Variants in ITGA2 observed in about 807,000 individuals in gnomAD.
ITGA2 encodes the protein integrin alpha-2.
In ITGA2, 101 loss-of-function variants were observed where a neutral mutation model predicts 146.3. The ratio of observed to expected loss-of-function variants is 0.69; its 90% CI spans 0.59 to 0.81. ITGA2 has a LOEUF of 0.81. ITGA2 is among the 40% of genes least tolerant of loss of function. ITGA2 has a pLI of 0.00. For missense variants in ITGA2, 1,281 were observed against 1,402.7 expected, an observed-to-expected ratio of 0.91 and a Z score of 1.39; for synonymous variants, 477 against 487.1, an observed-to-expected ratio of 0.98 and a Z score of 0.27.
At position 53,093,981 on chromosome 5, in the gene ITGA2, T is replaced by TAAAG. The variant is rs59915734; in HGVS notation, c.*3385_*3386insGAAA. On this transcript the variant is annotated 3_prime_UTR_variant, in exon 30 of 30. Transcript: ENST00000296585. The stretch of plus-strand genomic sequence containing the variant: ...AGTTACCTATTAAAACTGTGAAGAG[T>TAAAG]AAAACTAAAGCCAATTTATTATAGT... The TAAAG allele has an allele frequency of 0.74, 113,127 of 152,058 alleles. 42,440 individuals carry two copies. Among genetic ancestry groups the TAAAG allele is most frequent in the African/African-American group, 0.79 (32,731 of 41,356 alleles). 9.4% of individuals were successfully genotyped at this position (152,058 alleles called of 1,614,324 possible). A position where few individuals can be genotyped will look rare whatever the true frequency, so the allele number is the denominator to read the frequency against.
chr5:53,041,427 A>G (rs1212331848), intron 2 of ITGA2, among the ~76,000 whole-genome samples: 4 of 152,202 alleles, frequency 2.6e-5, no homozygotes, highest in Admixed American at 2.0e-4. Context: ...GTATCCTCTC[A>G]TAAAGACAGT....
chr5:53,060,140 T>G, intron 11 of ITGA2, 128 bp downstream of exon 11: 1 of 968,946 alleles, frequency 1.0e-6, no homozygotes, highest in Non-Finnish European at 1.6e-6. Flanking sequence ...TTATTACACA[T>G]ACATATGTTG....
chr5:53,044,397 G>A (rs1412950373), intron 3 of ITGA2, among the ~76,000 whole-genome samples: 1 of 150,764 alleles, frequency 6.6e-6, no homozygotes, highest in East Asian at 2.0e-4. Flanking sequence ...GCTTGGCAGA[G>A]ATGAGAAACA....
At chr5:53,053,005 T>C (rs1255350704) in intron 7 of ITGA2, among the ~76,000 whole-genome samples, 2 of 152,146 alleles carry the variant, frequency 1.3e-5, no homozygotes, top group Non-Finnish European at 2.9e-5. Flanking sequence ...ATTCAATCTG[T>C]CCCACACTGG....
chr5:53,050,329 TTTC>T (rs1463398613), intron 6 of ITGA2, among the ~76,000 whole-genome samples: 1 of 152,178 alleles, frequency 6.6e-6, no homozygotes, highest in African/African-American at 2.4e-5. Flanking sequence ...TTAAATCTTT[TTTC>T]TTCTTTTTCA....
At chr5:53,018,464 G>A (rs1329717393) in intron 1 of ITGA2, among the ~76,000 whole-genome samples, 1 of 151,976 alleles carries the variant, frequency 6.6e-6, no homozygotes, top group Non-Finnish European at 1.5e-5. Context: ...CCTGGTGCTG[G>A]GCAGCCTCGT....
At chr5:53,088,065 C>T (rs1192491567) in intron 28 of ITGA2, among the ~76,000 whole-genome samples, 1 of 152,220 alleles carries the variant, frequency 6.6e-6, no homozygotes, top group Non-Finnish European at 1.5e-5. Context: ...TACACCCTCT[C>T]TTCAGACACT....
At chr5:53,036,756 C>T (rs902566723) in intron 2 of ITGA2, among the ~76,000 whole-genome samples, 34 of 151,910 alleles carry the variant, frequency 2.2e-4, no homozygotes, top group Non-Finnish European at 3.4e-4. Flanking sequence ...AGGCTAGAAA[C>T]TTTTTTACTG....
intron 24 of ITGA2, among the ~76,000 whole-genome samples, chr5:53,080,015 T>C (rs1745840909): frequency 6.6e-6 from 1 of 152,188 alleles, no homozygotes; most frequent in South Asian, 2.1e-4. Context: ...ATCTTTATTT[T>C]ACAAATAAGA....
At chr5:53,017,507 G>A (rs1742449127) in intron 1 of ITGA2, among the ~76,000 whole-genome samples, 1 of 152,338 alleles carries the variant, frequency 6.6e-6, no homozygotes, top group Non-Finnish European at 1.5e-5. Flanking sequence ...CTCCGATGGG[G>A]GAATGCCAGC....
At chr5:53,015,939 A>T (rs183757158) in intron 1 of ITGA2, among the ~76,000 whole-genome samples, 2 of 152,254 alleles carry the variant, frequency 1.3e-5, no homozygotes, top group East Asian at 3.9e-4. Context: ...TTTGCTTGAT[A>T]GATTTTTCTC....
At chr5:53,021,021 G>A (rs978041140) in intron 1 of ITGA2, among the ~76,000 whole-genome samples, 4 of 151,872 alleles carry the variant, frequency 2.6e-5, no homozygotes, top group African/African-American at 9.7e-5. Flanking sequence ...ATACACTAAA[G>A]GAAAATTTAA....
chr5:53,036,974 CCTA>C (rs1256831175), intron 2 of ITGA2, among the ~76,000 whole-genome samples: 2 of 152,056 alleles, frequency 1.3e-5, no homozygotes, highest in African/African-American at 4.8e-5. Context: ...AATGTTTTGC[CCTA>C]CTATTTTAAG....
At chr5:53,027,425 A>G (rs553652500) in intron 2 of ITGA2, among the ~76,000 whole-genome samples, 11 of 152,318 alleles carry the variant, frequency 7.2e-5, no homozygotes, top group African/African-American at 2.4e-4. Flanking sequence ...TTTTTGCCCC[A>G]AAGTGCTCCC....
intron 24 of ITGA2, among the ~76,000 whole-genome samples, chr5:53,080,098 G>A (rs1042505130): frequency 2.2e-4 from 33 of 152,224 alleles, no homozygotes; most frequent in Middle Eastern, 6.8e-3. Flanking sequence ...ACAACACTCC[G>A]GCAGCCCAGC....
chr5:53,060,522 A>G (rs2111960764), intron 11 of ITGA2, among the ~76,000 whole-genome samples: 1 of 152,108 alleles, frequency 6.6e-6, no homozygotes, highest in South Asian at 2.1e-4. Flanking sequence ...CGGCAAATCC[A>G]GAATCTGAAC....
chr5:53,023,694 C>T (rs1269134524), intron 1 of ITGA2, among the ~76,000 whole-genome samples: 1 of 152,058 alleles, frequency 6.6e-6, no homozygotes, highest in Non-Finnish European at 1.5e-5. Context: ...ACAAGATGAA[C>T]CAAATATGGT....
rs1561166567 is a variant in ITGA2 at position 53,093,689 on chromosome 5, TCAA to T, written c.*3094_*3096del. ...TTAAATAAAAGCTATGTGTTCCTAT[TCAA>T]CAATATTTTTGCTTTAAAAGTAAGT... is the stretch of plus-strand genomic sequence containing the variant. On this transcript the variant is annotated 3_prime_UTR_variant, in exon 30 of 30. Transcript: ENST00000296585. 2 of 152,356 alleles carry T rather than the reference TCAA, an allele frequency of 1.3e-5. No homozygotes were observed. Among genetic ancestry groups the T allele is most frequent in the East Asian group, 3.9e-4 (2 of 5,188 alleles). The allele number at this position is 152,356 out of a possible 1,614,324, so 9.4% of individuals were successfully genotyped here.
At chr5:53,083,020 G>C (rs1484215266) in intron 26 of ITGA2, among the ~76,000 whole-genome samples, 2 of 151,806 alleles carry the variant, frequency 1.3e-5, no homozygotes, top group Non-Finnish European at 2.9e-5. Context: ...TGGTTTTTAG[G>C]TTTTTTTACT....
Sources: allele counts gnomAD v4.1 joint callset (sites outside exome capture counted in the v4.1 genomes callset), GRCh38; gene constraint gnomAD v4.1.1; transcripts MANE v1.5; gene names NCBI Gene and HGNC (gene_info 2026-07-23, HGNC 2026-07-21).